Variants in RBFOX1 observed in about 807,000 individuals in gnomAD.
RBFOX1 encodes the protein RNA binding fox-1 homolog 1, also known as RNA binding protein fox-1 homolog 1.
A neutral mutation model predicts 57.7 loss-of-function variants in RBFOX1; 8 were observed. The observed-to-expected ratio is 0.14, with a 90% CI of 0.08 to 0.25. The LOEUF (loss-of-function observed/expected upper bound fraction) is 0.25, where lower values mean the gene tolerates loss of function less well. Among genes scored for constraint, RBFOX1 ranks in the 10% least tolerant of loss-of-function variants. The probability of loss-of-function intolerance (pLI) is 1.00; values close to 1 mark genes in which losing one functional copy is unlikely to be tolerated. For synonymous variants in RBFOX1, 326 were observed against 222.4 expected, an observed-to-expected ratio of 1.47 and a Z score of -4.15; for missense variants, 611 against 548.5, an observed-to-expected ratio of 1.11 and a Z score of -1.14.
chr16:5,408,702 G>T (rs980080963), intron 1 of RBFOX1, among the ~76,000 whole-genome samples: 2 of 152,256 alleles, frequency 1.3e-5, no homozygotes, highest in African/African-American at 4.8e-5. Flanking sequence ...CATGGTGCCA[G>T]CATCTGCTCA....
intron 1 of RBFOX1, among the ~76,000 whole-genome samples, chr16:5,301,210 G>C (rs1021555605): frequency 1.3e-5 from 2 of 152,206 alleles, no homozygotes; most frequent in Non-Finnish European, 2.9e-5. Context: ...ATGGAAGCCA[G>C]CTACCACCAT....
rs143702620 is a variant in RBFOX1 at position 6,095,931 on chromosome 16, C to G, written c.-127+75939C>G. Among the ~76,000 whole-genome samples the G allele has an allele frequency of 3.0e-3, 462 of 152,312 alleles. 5 individuals carry two copies. The highest frequency in any genetic ancestry group is 0.029 in the South Asian group (142 of 4,830). ...CTCCCAGTGGAGTCTGGTCATCAGT[C>G]TTCTCCCTTTGGAGCTTGGGCCCAG... On this transcript the variant is annotated intron_variant, in intron 1 of 15. Coordinates refer to ENST00000550418, the MANE Select transcript of RBFOX1 (RefSeq NM_018723.4).
chr16:6,227,431 C>G (rs1158859736), intron 1 of RBFOX1, among the ~76,000 whole-genome samples: 1 of 152,148 alleles, frequency 6.6e-6, no homozygotes, highest in Non-Finnish European at 1.5e-5. Flanking sequence ...ATGGGTCCAT[C>G]TAGAGCAAAA....
intron 4 of RBFOX1, among the ~76,000 whole-genome samples, chr16:7,255,211 A>G (rs988967048): frequency 1.3e-5 from 2 of 152,192 alleles, no homozygotes; most frequent in Admixed American, 6.5e-5. Flanking sequence ...TGACTTGCTT[A>G]GTGATAAACA....
intron 5 of RBFOX1, among the ~76,000 whole-genome samples, chr16:7,524,842 T>C (rs1272447489): frequency 6.6e-6 from 1 of 152,216 alleles, no homozygotes; most frequent in Non-Finnish European, 1.5e-5. Flanking sequence ...AGTTCTGATT[T>C]TGAAGCTGAT....
intron 3 of RBFOX1, among the ~76,000 whole-genome samples, chr16:6,966,767 C>CTATA (rs1269243043): frequency 0.047 from 1,103 of 23,534 alleles, 7 homozygotes; most frequent in African/African-American, 0.12. Context: ...GTCTGTCTAT[C>CTATA]TATCTATCTA....
intron 1 of RBFOX1, among the ~76,000 whole-genome samples, chr16:5,317,500 T>C (rs1235690998): frequency 6.6e-6 from 1 of 152,156 alleles, no homozygotes; most frequent in African/African-American, 2.4e-5. Flanking sequence ...TCTCAGCTAC[T>C]TAGGAGACTG....
chr16:5,999,891 A>G (rs1243322063), intron 4 of RBFOX1, among the ~76,000 whole-genome samples: 1 of 80,304 alleles, frequency 1.2e-5, no homozygotes, highest in African/African-American at 4.2e-5. Context: ...AAAAAAAAAA[A>G]AAAAAAAAAA....
intron 3 of RBFOX1, among the ~76,000 whole-genome samples, chr16:5,732,057 C>T (rs190269571): frequency 1.5e-4 from 23 of 152,280 alleles, no homozygotes; most frequent in Middle Eastern, 3.4e-3. Context: ...AACATTTCCT[C>T]TTTGCTTCAT....
intron 4 of RBFOX1, among the ~76,000 whole-genome samples, chr16:5,867,695 T>C (rs1031073108): frequency 2.0e-5 from 3 of 152,162 alleles, no homozygotes; most frequent in Non-Finnish European, 4.4e-5. Context: ...TTTCTTTGTA[T>C]ATTTTTTTCC....
At chr16:5,729,035 C>A (rs1436453609) in intron 3 of RBFOX1, among the ~76,000 whole-genome samples, 1 of 152,228 alleles carries the variant, frequency 6.6e-6, no homozygotes. Flanking sequence ...CATCCCAATA[C>A]TCTCAGGTCC....
chr16:5,351,888 C>G (rs2065269654), intron 1 of RBFOX1, among the ~76,000 whole-genome samples: 1 of 152,188 alleles, frequency 6.6e-6, no homozygotes, highest in African/African-American at 2.4e-5. Context: ...ACTGCAGCCT[C>G]TACCTCCTGG....
chr16:6,672,303 A>C lies in RBFOX1; in HGVS notation c.-16+17653A>C, dbSNP rs189892992. ...CCAATATAAATATACATCCAATATA[A>C]AATAACCATACAAATATTGTGGTGG... On this transcript the variant is annotated intron_variant, in intron 3 of 15. Coordinates refer to ENST00000550418, the MANE Select transcript of RBFOX1 (RefSeq NM_018723.4). 2.5e-3 allele frequency among the ~76,000 whole-genome samples: 383 copies of C among 152,160 alleles called. 9 individuals carry two copies. Among genetic ancestry groups the C allele is most frequent in the Non-Finnish European group, 6.3e-4 (43 of 68,012 alleles).
chr16:6,930,193 A>G (rs1048800267), intron 3 of RBFOX1, among the ~76,000 whole-genome samples: 1 of 152,228 alleles, frequency 6.6e-6, no homozygotes, highest in African/African-American at 2.4e-5. Flanking sequence ...AGGGATTAAT[A>G]TTGAGAATAT....
chr16:6,703,385 G>C (rs1410509051), intron 3 of RBFOX1, among the ~76,000 whole-genome samples: 1 of 152,004 alleles, frequency 6.6e-6, no homozygotes, highest in Non-Finnish European at 1.5e-5. Flanking sequence ...GCCAGCCTAG[G>C]CAACATAGTG....
intron 4 of RBFOX1, among the ~76,000 whole-genome samples, chr16:5,876,887 A>T (rs948434658): frequency 4.6e-5 from 7 of 152,190 alleles, no homozygotes; most frequent in Admixed American, 3.9e-4. Context: ...AAGGAGAGAC[A>T]GACTCAGCCA....
intron 1 of RBFOX1, among the ~76,000 whole-genome samples, chr16:6,173,277 G>C (rs1255712906): frequency 1.3e-5 from 2 of 152,258 alleles, no homozygotes; most frequent in East Asian, 3.9e-4. Flanking sequence ...AATAGTGCTT[G>C]ACAGGAAAAC....
At chr16:6,916,295 G>A (rs1350989065) in intron 3 of RBFOX1, among the ~76,000 whole-genome samples, 1 of 152,134 alleles carries the variant, frequency 6.6e-6, no homozygotes, top group Admixed American at 6.5e-5. Flanking sequence ...GGATACCATA[G>A]TTTGTTCATC....
intron 3 of RBFOX1, among the ~76,000 whole-genome samples, chr16:5,609,533 G>A (rs937100233): frequency 1.8e-4 from 28 of 152,172 alleles, no homozygotes; most frequent in African/African-American, 4.6e-4. Context: ...GTAGTGGCAG[G>A]TGTCAAGCAT....
Sources: allele counts gnomAD v4.1 joint callset (sites outside exome capture counted in the v4.1 genomes callset), GRCh38; gene constraint gnomAD v4.1.1; transcripts MANE v1.5; gene names NCBI Gene and HGNC (gene_info 2026-07-23, HGNC 2026-07-21).